PILRB: variants seen among roughly 807,000 people sequenced by gnomAD.
PILRB encodes the protein paired immunoglobin like type 2 receptor beta.
PILRB carries 21 observed loss-of-function variants against 20.5 expected under a neutral mutation model. The ratio of observed to expected loss-of-function variants is 1.02; its 90% CI spans 0.72 to 1.47. The LOEUF (loss-of-function observed/expected upper bound fraction) is 1.47. Ranked by LOEUF, PILRB falls within the 40% of genes most tolerant of loss-of-function variation. The pLI is 0.00. For missense variants in PILRB, 253 were observed against 272.1 expected, an observed-to-expected ratio of 0.93 and a Z score of 0.49; for synonymous variants, 133 against 115.1, an observed-to-expected ratio of 1.16 and a Z score of -0.99.
Position 100,358,139 on chromosome 7 carries a change from G to C in PILRB, c.-164G>C, listed in dbSNP as rs1282726289. 28 of 714,442 alleles carry C rather than the reference G, an allele frequency of 3.9e-5. No individual in the cohort carries two copies. The East Asian group carries it at 7.0e-4, about 18-fold the overall frequency. 44.3% of individuals were successfully genotyped at this position (714,442 alleles called of 1,614,324 possible). ...GATAAAGGAAGTGCTGGTCACCCTGGAGGTGTACTGGTTTGGGGAAGGTCC... is the reference window on the plus strand; with the variant it reads ...GATAAAGGAAGTGCTGGTCACCCTGCAGGTGTACTGGTTTGGGGAAGGTCC... On this transcript the variant is annotated 5_prime_UTR_variant, in exon 1 of 4. Coordinates refer to ENST00000609309, the MANE Select transcript of PILRB (RefSeq NM_178238.4).
chr7:100,363,152 AAAG>A (rs1790579962), intron 3 of PILRB, among the ~76,000 whole-genome samples: 1 of 151,838 alleles, frequency 6.6e-6, no homozygotes, highest in African/African-American at 2.4e-5. Context: ...AAAAAAAAAA[AAAG>A]ATTTGAAGTC....
chr7:100,358,790 C>T lies in PILRB; in HGVS notation c.165C>T (p.Phe55=). 1 of 1,613,400 alleles carries T rather than the reference C, an allele frequency of 6.2e-7. No individual in the cohort carries two copies. The highest frequency in any genetic ancestry group is 8.5e-7 in the Non-Finnish European group (1 of 1,179,332). The change falls in exon 2 of 4, where the codon TTC becomes TTT. Residue 55 remains phenylalanine (F), a synonymous_variant. Coordinates refer to ENST00000609309, the MANE Select transcript of PILRB (RefSeq NM_178238.4). ...MGGSVEIPFS[F]YYPWELAIVP... is the part of the protein sequence containing the mutation. ...GCTCTGTGGAAATCCCCTTCTCCTTCTATTACCCCTGGGAGTTAGCCATAG... is the reference window on the plus strand; with the variant it reads ...GCTCTGTGGAAATCCCCTTCTCCTTTTATTACCCCTGGGAGTTAGCCATAG...
chr7:100,360,505 C>T (rs1432944580), intron 3 of PILRB, among the ~76,000 whole-genome samples: 2 of 152,098 alleles, frequency 1.3e-5, no homozygotes, highest in Non-Finnish European at 2.9e-5. Flanking sequence ...TGGAGGAAAC[C>T]ATTCCAGGAG....
chr7:100,364,194 C>T (rs1268694613), intron 3 of PILRB, among the ~76,000 whole-genome samples: 1 of 151,966 alleles, frequency 6.6e-6, no homozygotes, highest in Non-Finnish European at 1.5e-5. Context: ...TCAAATGATC[C>T]TCAACAAGGG....
At chr7:100,360,781 T>C (rs1186843722) in intron 3 of PILRB, among the ~76,000 whole-genome samples, 4 of 151,788 alleles carry the variant, frequency 2.6e-5, no homozygotes, top group Non-Finnish European at 5.9e-5. Context: ...GATTGTTAGA[T>C]TGATGTAGGG....
Position 100,359,552 on chromosome 7 carries a change from C to G in PILRB, c.655+15C>G. The G allele has an allele frequency of 6.2e-7, 1 of 1,607,464 alleles. No homozygotes were observed. The highest frequency in any genetic ancestry group is 8.5e-7 in the Non-Finnish European group (1 of 1,174,230). On this transcript the variant is annotated intron_variant, in intron 3 of 3. Coordinates refer to ENST00000609309, the MANE Select transcript of PILRB (RefSeq NM_178238.4). ...GAGAAGGAAAGGTAAGTGCCCAGAA[C>G]GCACTGTCTCCTCAAGCTTCCCAGC... is the stretch of plus-strand genomic sequence containing the variant.
Position 100,359,003 on chromosome 7 carries a change from A to G in PILRB, c.378A>G (p.Arg126=). 6.2e-7 allele frequency: 1 copy of G among 1,614,150 alleles called. No homozygotes were observed. The highest frequency in any genetic ancestry group is 8.5e-7 in the Non-Finnish European group (1 of 1,180,030). The part of the protein sequence containing the change: ...RKEDQSVYFC[R]VELDTRRSGR... ...AGGACCAGTCTGTGTATTTCTGCCGAGTCGAGCTGGACACCCGGAGATCAG... is the reference window on the plus strand; with the variant it reads ...AGGACCAGTCTGTGTATTTCTGCCGGGTCGAGCTGGACACCCGGAGATCAG... Residue 126 remains arginine (R), a synonymous_variant, in exon 2 of 4, where the codon CGA becomes CGG. Transcript: ENST00000609309.
At chr7:100,365,267 T>C (rs886369504) in intron 3 of PILRB, among the ~76,000 whole-genome samples, 3 of 152,180 alleles carry the variant, frequency 2.0e-5, no homozygotes, top group Non-Finnish European at 4.4e-5. Flanking sequence ...TCCAAAGTGC[T>C]AGGATTATAG....
chr7:100,358,210 C>A lies in PILRB; in HGVS notation c.-93C>A. 1 of 1,494,734 alleles carries A rather than the reference C, an allele frequency of 6.7e-7. No individual in the cohort carries two copies. Among genetic ancestry groups the A allele is most frequent in the Non-Finnish European group, 9.2e-7 (1 of 1,082,126 alleles). The allele number at this position is 1,494,734 out of a possible 1,614,324, so 92.6% of individuals were successfully genotyped here. On this transcript the variant is annotated 5_prime_UTR_variant, in exon 1 of 4. Coordinates refer to ENST00000609309, the MANE Select transcript of PILRB (RefSeq NM_178238.4). ...GGGAGCCTCACCCTGGCTCTCCCCA[C>A]TCACCTCAGCCCTCAGGCAGCCCCT... is the stretch of plus-strand genomic sequence containing the variant.
At chr7:100,364,215 A>G (rs1369444281) in intron 3 of PILRB, among the ~76,000 whole-genome samples, 1 of 152,172 alleles carries the variant, frequency 6.6e-6, no homozygotes, top group Non-Finnish European at 1.5e-5. Context: ...TGCCAAGATG[A>G]CCACTCGACG....
Position 100,359,023 on chromosome 7 carries a change from G to A in PILRB, c.398G>A (p.Arg133Lys). The A allele has an allele frequency of 6.2e-7, 1 of 1,614,166 alleles. No homozygotes were observed. The highest frequency in any genetic ancestry group is 8.5e-7 in the Non-Finnish European group (1 of 1,180,038). ...YFCRVELDTRRSGRQQLQSIK... is the reference protein window; with the variant it reads ...YFCRVELDTRKSGRQQLQSIK... ...TGCCGAGTCGAGCTGGACACCCGGA[G>A]ATCAGGGAGGCAGCAGTTGCAGTCC... Residue 133 changes from arginine (R) to lysine (K), a missense_variant, in exon 2 of 4, where the codon AGA (arginine) becomes AAA (lysine). Physicochemically the swap from Arg to Lys is conservative, Grantham distance 26. Transcript: ENST00000609309.
At chr7:100,365,918 A>G (rs1270604595) in intron 3 of PILRB, among the ~76,000 whole-genome samples, 2 of 151,700 alleles carry the variant, frequency 1.3e-5, no homozygotes, top group African/African-American at 4.9e-5. Context: ...ACTGTACACT[A>G]AGCAATGGTT....
rs1029937624 is a variant in PILRB at position 100,367,552 on chromosome 7, T to C, written c.*175T>C. 3 of 617,378 alleles carry C rather than the reference T, an allele frequency of 4.9e-6. No homozygotes were observed. Among genetic ancestry groups the C allele is most frequent in the African/African-American group, 1.8e-5 (1 of 54,178 alleles). 38.2% of individuals were successfully genotyped at this position (617,378 alleles called of 1,614,324 possible). A position where few individuals can be genotyped will look rare whatever the true frequency, so the allele number is the denominator to read the frequency against. ...GAGGCTGGGTCCCTGAATCACCGAC[T>C]GGAGGAGAGTTACCTACAAGAGCCT... On this transcript the variant is annotated 3_prime_UTR_variant, in exon 4 of 4. Transcript: ENST00000609309.
At chr7:100,366,607 CAG>C (rs1329525477) in intron 3 of PILRB, among the ~76,000 whole-genome samples, 1 of 152,002 alleles carries the variant, frequency 6.6e-6, no homozygotes, top group Non-Finnish European at 1.5e-5. Flanking sequence ...GAGGTGGCAA[CAG>C]AACTTGAACA....
At chr7:100,364,863 A>G (rs1790631083) in intron 3 of PILRB, among the ~76,000 whole-genome samples, 1 of 152,126 alleles carries the variant, frequency 6.6e-6, no homozygotes, top group Non-Finnish European at 1.5e-5. Flanking sequence ...TGAGGTTAGG[A>G]GAATGACCTG....
At chr7:100,359,683 G>A (rs1026647726) in intron 3 of PILRB, 146 bp downstream of exon 3, 43 of 695,642 alleles carry the variant, frequency 6.2e-5, no homozygotes, top group South Asian at 2.8e-4. Flanking sequence ...GTGCTGGGGC[G>A]TCTGCATCTC....
chr7:100,359,637 G>C, intron 3 of PILRB, 100 bp downstream of exon 3: 1 of 1,043,298 alleles, frequency 9.6e-7, no homozygotes, highest in Non-Finnish European at 1.4e-6. Flanking sequence ...AGACCCTGCT[G>C]GCTCCCCTCA....
intron 3 of PILRB, among the ~76,000 whole-genome samples, chr7:100,366,747 A>C (rs1790700763): frequency 6.6e-6 from 1 of 151,070 alleles, no homozygotes; most frequent in Admixed American, 6.6e-5. Context: ...GCCTATGTCA[A>C]GGGAAGGGGA....
intron 3 of PILRB, among the ~76,000 whole-genome samples, chr7:100,365,953 T>G (rs1307907357): frequency 6.7e-5 from 10 of 148,840 alleles, no homozygotes; most frequent in African/African-American, 2.2e-4. Context: ...TAGGTGGTTT[T>G]TTTTTTTTTT....
Sources: gnomAD v4.1 joint callset for allele counts (sites outside exome capture counted in the v4.1 genomes callset) on GRCh38, gnomAD v4.1.1 for gene constraint, MANE v1.5 for transcripts, NCBI Gene and HGNC (gene_info 2026-07-23, HGNC 2026-07-21) for gene names.